Variants in YEATS2 observed in about 807,000 individuals in gnomAD.
YEATS2 encodes YEATS domain containing 2.
A neutral mutation model predicts 163.2 loss-of-function variants in YEATS2; 77 were observed. The observed-to-expected ratio is 0.47, with a 90% CI of 0.39 to 0.57. YEATS2 has a LOEUF of 0.57. Ranked by LOEUF, YEATS2 falls within the 20% of genes least tolerant of loss-of-function variation. The pLI, the probability that YEATS2 is intolerant of heterozygous loss-of-function variation, is 0.00. For synonymous variants in YEATS2, 631 were observed against 645.1 expected, an observed-to-expected ratio of 0.98 and a Z score of 0.33; for missense variants, 1,549 against 1,729.8, an observed-to-expected ratio of 0.90 and a Z score of 1.85.
At chr3:183,790,733 C>A (rs865921323) in intron 20 of YEATS2, 64 bp from the exon 21 acceptor site, 3 of 1,564,050 alleles carry the variant, frequency 1.9e-6, no homozygotes, top group Non-Finnish European at 2.6e-6. Context: ...TGGCCGTCAC[C>A]GCCGTCAGTC....
rs541789548 is a variant in YEATS2 at position 183,798,192 on chromosome 3, C to A, written c.3226+141C>A. The A allele has an allele frequency of 7.5e-5, 97 of 1,287,400 alleles. No homozygotes were observed. The African/African-American group carries it at 1.4e-3, about 19-fold the overall frequency. The allele number at this position is 1,287,400 out of a possible 1,614,324, so 79.7% of individuals were successfully genotyped here. A position where few individuals can be genotyped will look rare whatever the true frequency, so the allele number is the denominator to read the frequency against. The stretch of plus-strand genomic sequence containing the variant: ...CCAGCGCCTGTGTACAGCCACCCTT[C>A]AGCTGTCATGGTATTCCCAGCGCCT... On this transcript the variant is annotated intron_variant, in intron 22 of 30. Coordinates refer to ENST00000305135, the MANE Select transcript of YEATS2 (RefSeq NM_018023.5).
At chr3:183,797,158 A>G (rs1725227429) in intron 21 of YEATS2, among the ~76,000 whole-genome samples, 1 of 151,588 alleles carries the variant, frequency 6.6e-6, no homozygotes, top group Non-Finnish European at 1.5e-5. Context: ...AATCCCAGCT[A>G]CTTGGGAGGC....
At chr3:183,773,839 A>G (rs1255749185) in intron 17 of YEATS2, 45 bp downstream of exon 17, 29 of 1,557,868 alleles carry the variant, frequency 1.9e-5, no homozygotes, top group African/African-American at 2.8e-5. Flanking sequence ...TTGGTTCTCT[A>G]TGTGTGTTCA....
intron 15 of YEATS2, among the ~76,000 whole-genome samples, chr3:183,765,757 G>A (rs570987254): frequency 7.4e-4 from 112 of 152,156 alleles, no homozygotes; most frequent in African/African-American, 2.5e-3. Context: ...GACCAGCCTG[G>A]CCAACATGGT....
intron 15 of YEATS2, among the ~76,000 whole-genome samples, chr3:183,766,292 G>A (rs538082422): frequency 6.6e-6 from 1 of 152,224 alleles, no homozygotes; most frequent in Admixed American, 6.5e-5. Flanking sequence ...ACCTAGCACA[G>A]AGCAAGTGCT....
Position 183,810,600 on chromosome 3 carries a change from T to TGGAGAAGCAGGCTTTGAAGGCAC in YEATS2, c.*18_*40dup, listed in dbSNP as rs1158058176. The TGGAGAAGCAGGCTTTGAAGGCAC allele has an allele frequency of 6.2e-7, 1 of 1,609,082 alleles. No individual in the cohort carries two copies. The highest frequency in any genetic ancestry group is 1.1e-5 in the South Asian group (1 of 90,822). ...GACCAGTGAGCGGAGTGAGGTGCCC[T>TGGAGAAGCAGGCTTTGAAGGCAC]GGAGAAGCAGGCTTTGAAGGCACAG... On this transcript the variant is annotated 3_prime_UTR_variant, in exon 31 of 31. Coordinates refer to ENST00000305135, the MANE Select transcript of YEATS2 (RefSeq NM_018023.5).
intron 8 of YEATS2, among the ~76,000 whole-genome samples, chr3:183,737,320 G>C (rs1042427925): frequency 6.6e-6 from 1 of 152,152 alleles, no homozygotes; most frequent in Non-Finnish European, 1.5e-5. Flanking sequence ...AAGTGGGAGT[G>C]TTAGGTCTTC....
At position 183,754,240 on chromosome 3, in the gene YEATS2, A is replaced by G; in HGVS notation, c.1265A>G (p.His422Arg). The G allele has an allele frequency of 5.6e-6, 9 of 1,614,118 alleles. No individual in the cohort carries two copies. Among genetic ancestry groups the G allele is most frequent in the Non-Finnish European group, 7.6e-6 (9 of 1,180,002 alleles). Reference sequence around the variant, plus strand: ...TCCCAGAAAGTTACCTTTTGTTCCCATGGCAATTCAGCTTTCCAGCCAATA... The same window carrying G: ...TCCCAGAAAGTTACCTTTTGTTCCCGTGGCAATTCAGCTTTCCAGCCAATA... Reference protein sequence around the residue: ...TTSQKVTFCSHGNSAFQPIAS... With the variant: ...TTSQKVTFCSRGNSAFQPIAS... The change falls in exon 11 of 31, where the codon CAT (histidine) becomes CGT (arginine). Residue 422 changes from histidine to arginine, a missense_variant. Coordinates refer to ENST00000305135, the MANE Select transcript of YEATS2 (RefSeq NM_018023.5).
intron 7 of YEATS2, among the ~76,000 whole-genome samples, chr3:183,729,815 G>A (rs545068875): frequency 1.6e-4 from 25 of 152,002 alleles, no homozygotes; most frequent in African/African-American, 6.0e-4. Context: ...AGCCTCCCAA[G>A]TAGCTGGGAT....
intron 1 of YEATS2, among the ~76,000 whole-genome samples, chr3:183,700,696 G>T (rs1278119104): frequency 7.1e-6 from 1 of 141,126 alleles, no homozygotes; most frequent in Non-Finnish European, 1.5e-5. Flanking sequence ...GCTTGAACCC[G>T]GGAGGTGGAG....
chr3:183,769,628 G>A (rs779552883), intron 15 of YEATS2, among the ~76,000 whole-genome samples: 2 of 152,150 alleles, frequency 1.3e-5, no homozygotes, highest in Non-Finnish European at 2.9e-5. Flanking sequence ...TCTGCTTACC[G>A]AAACCTGCAC....
intron 10 of YEATS2, 94 bp downstream of exon 10, chr3:183,752,347 TGC>T: frequency 6.9e-7 from 1 of 1,447,720 alleles, no homozygotes; most frequent in Non-Finnish European, 9.5e-7. Context: ...AAAATAACTT[TGC>T]TATAAGTGGA....
chr3:183,699,279 A>G (rs1260611252), intron 1 of YEATS2, among the ~76,000 whole-genome samples: 1 of 151,892 alleles, frequency 6.6e-6, no homozygotes, highest in Non-Finnish European at 1.5e-5. Flanking sequence ...AATGGAAGAG[A>G]GAAATTTGAG....
chr3:183,707,976 G>A (rs1714791560), intron 1 of YEATS2, among the ~76,000 whole-genome samples: 1 of 151,660 alleles, frequency 6.6e-6, no homozygotes. Flanking sequence ...CATGCCCGGC[G>A]TCCCCCTCCC....
Position 183,721,871 on chromosome 3 carries a change from C to T in YEATS2, c.292-20C>T, listed in dbSNP as rs752126741. 2 of 1,607,792 alleles carry T rather than the reference C, an allele frequency of 1.2e-6. No homozygotes were observed. Among genetic ancestry groups the T allele is most frequent in the East Asian group, 2.2e-5 (1 of 44,778 alleles). On this transcript the variant is annotated intron_variant, in intron 4 of 30. Coordinates refer to ENST00000305135, the MANE Select transcript of YEATS2 (RefSeq NM_018023.5). ...ATGGATTTGATTAAAAATTTATTTG[C>T]TTGCTTTCATTTTTTGTAGGGATCA...
chr3:183,776,890 TGCAGTGA>T (rs1723056329), intron 18 of YEATS2, among the ~76,000 whole-genome samples: 1 of 150,924 alleles, frequency 6.6e-6, no homozygotes, highest in South Asian at 2.1e-4. Context: ...AGGCAGAGGT[TGCAGTGA>T]GCCAAGATCA....
chr3:183,785,528 T>A (rs1265270722), intron 19 of YEATS2, among the ~76,000 whole-genome samples: 1 of 147,396 alleles, frequency 6.8e-6, no homozygotes, highest in Non-Finnish European at 1.5e-5. Flanking sequence ...ATGTGGCACA[T>A]GCCTGTAATC....
chr3:183,762,215 C>T lies in YEATS2; in HGVS notation c.1883C>T (p.Pro628Leu), dbSNP rs780765883. 6.2e-7 allele frequency: 1 copy of T among 1,613,880 alleles called. No individual in the cohort carries two copies. Among genetic ancestry groups the T allele is most frequent in the Non-Finnish European group, 8.5e-7 (1 of 1,179,906 alleles). Reference sequence around the variant, plus strand: ...GGGGGTCACATGATAGCTGTGTCCCCTCAAAAACAGGTCATAACTCCTGGA... The same window carrying T: ...GGGGGTCACATGATAGCTGTGTCCCTTCAAAAACAGGTCATAACTCCTGGA... ...VKGGHMIAVS[P>L]QKQVITPGEG... is the part of the protein sequence containing the mutation. The change falls in exon 15 of 31, where the codon CCT becomes CTT. Residue 628 changes from proline (P) to leucine (L), a missense_variant. Coordinates refer to ENST00000305135, the MANE Select transcript of YEATS2 (RefSeq NM_018023.5).
At chr3:183,754,445 G>A in intron 11 of YEATS2, 80 bp downstream of exon 11, 4 of 1,504,592 alleles carry the variant, frequency 2.7e-6, no homozygotes, top group Non-Finnish European at 3.6e-6. Flanking sequence ...AAAATACTTG[G>A]CTTTTTTTCT....
Sources: gnomAD v4.1 joint callset for allele counts (sites outside exome capture counted in the v4.1 genomes callset) on GRCh38, gnomAD v4.1.1 for gene constraint, MANE v1.5 for transcripts, NCBI Gene and HGNC (gene_info 2026-07-23, HGNC 2026-07-21) for gene names.